SIPA1L1: variants seen among roughly 807,000 people sequenced by gnomAD.
The protein encoded by SIPA1L1 is signal-induced proliferation-associated 1-like protein 1.
In SIPA1L1, 26 loss-of-function variants were observed where a neutral mutation model predicts 162.7. The ratio of observed to expected loss-of-function variants is 0.16; its 90% CI spans 0.12 to 0.22. The LOEUF is 0.22. Among genes scored for constraint, SIPA1L1 ranks in the 10% least tolerant of loss-of-function variants. The pLI is 1.00. For synonymous variants in SIPA1L1, 829 were observed against 837.4 expected, an observed-to-expected ratio of 0.99 and a Z score of 0.17; for missense variants, 1,874 against 2,241.0, an observed-to-expected ratio of 0.84 and a Z score of 3.31.
chr14:71,492,469 T>C (rs1340049793), intron 2 of SIPA1L1, among the ~76,000 whole-genome samples: 4 of 152,176 alleles, frequency 2.6e-5, no homozygotes, highest in Non-Finnish European at 4.4e-5. Context: ...CAGAGCTGTT[T>C]AATAGTGTGG....
At chr14:71,675,960 A>G (rs1467081219) in intron 12 of SIPA1L1, among the ~76,000 whole-genome samples, 1 of 151,924 alleles carries the variant, frequency 6.6e-6, no homozygotes, top group African/African-American at 2.4e-5. Flanking sequence ...TAATAGTTCA[A>G]CAACAAAAAA....
In SIPA1L1 at chr14:71,657,657, T is replaced by G. The variant is rs1415795286; in HGVS notation, c.1994-676T>G. 4.8e-5 allele frequency among the ~76,000 whole-genome samples: 7 copies of G among 147,038 alleles called. No individual in the cohort carries two copies. The Admixed American group carries it at 5.0e-4, about 10-fold the overall frequency. On this transcript the variant is annotated intron_variant, in intron 8 of 23. Coordinates refer to ENST00000381232, the MANE Select transcript of SIPA1L1 (RefSeq NM_001386936.1). ...CAACTTTGTTCTTCAGTGTTAATGG[T>G]CTTGTTAAATTATTGTCTTTTTTTT...
chr14:71,519,992 C>T (rs1308490953), intron 3 of SIPA1L1, among the ~76,000 whole-genome samples: 2 of 152,078 alleles, frequency 1.3e-5, no homozygotes, highest in Non-Finnish European at 2.9e-5. Context: ...CACCTATAAT[C>T]TTAGCGGCTG....
chr14:71,577,107 A>G (rs1345352283), intron 4 of SIPA1L1, among the ~76,000 whole-genome samples: 1 of 151,436 alleles, frequency 6.6e-6, no homozygotes, highest in African/African-American at 2.4e-5. Context: ...AAATAATGGC[A>G]TGGCAGTTGA....
intron 2 of SIPA1L1, among the ~76,000 whole-genome samples, chr14:71,492,567 G>A (rs538016397): frequency 9.1e-4 from 138 of 152,322 alleles, no homozygotes; most frequent in African/African-American, 1.1e-3. Context: ...GTCTGCTTCA[G>A]ACTTGAAGAC....
At chr14:71,716,093 T>C (rs1454750669) in intron 17 of SIPA1L1, among the ~76,000 whole-genome samples, 1 of 151,628 alleles carries the variant, frequency 6.6e-6, no homozygotes, top group Admixed American at 6.6e-5. Context: ...TTTTCTTTAC[T>C]GCAGTCACTT....
At chr14:71,396,971 G>C (rs1270207895) in intron 2 of SIPA1L1, among the ~76,000 whole-genome samples, 2 of 152,086 alleles carry the variant, frequency 1.3e-5, no homozygotes, top group Non-Finnish European at 2.9e-5. Flanking sequence ...ATTTACTGAC[G>C]TTTTTTAAGG....
In SIPA1L1 at chr14:71,592,607, G is replaced by C. The variant is rs192935124; in HGVS notation, c.1498+3237G>C. 5.4e-4 allele frequency among the ~76,000 whole-genome samples: 82 copies of C among 151,908 alleles called. 1 individual carries two copies. In the East Asian group the frequency reaches 6.6e-3, roughly 12 times the overall value. ...CCATTTGGCTGCCTAATGCATTCCT[G>C]ACTTCACTGTGGCTAAGTCTCAGGT... is the stretch of plus-strand genomic sequence containing the variant. On this transcript the variant is annotated intron_variant, in intron 5 of 23. Transcript: ENST00000381232.
At chr14:71,326,111 G>A (rs527880946) in intron 2 of SIPA1L1, among the ~76,000 whole-genome samples, 8 of 152,178 alleles carry the variant, frequency 5.3e-5, no homozygotes, top group South Asian at 2.1e-4. Context: ...AAAGTTAATT[G>A]TGGTTATTTC....
At chr14:71,421,121 G>A (rs145330463) in intron 2 of SIPA1L1, among the ~76,000 whole-genome samples, 1 of 152,206 alleles carries the variant, frequency 6.6e-6, no homozygotes, top group African/African-American at 2.4e-5. Context: ...TCAAAGATAT[G>A]TTTTAAAAGC....
At chr14:71,666,893 A>G (rs2044063973) in intron 10 of SIPA1L1, among the ~76,000 whole-genome samples, 2 of 151,078 alleles carry the variant, frequency 1.3e-5, no homozygotes, top group East Asian at 1.9e-4. Context: ...AAAAAAAAGA[A>G]TTTGCAAGCT....
At chr14:71,668,054 G>A (rs912144154) in intron 10 of SIPA1L1, among the ~76,000 whole-genome samples, 9 of 151,534 alleles carry the variant, frequency 5.9e-5, no homozygotes, top group Non-Finnish European at 1.0e-4. Flanking sequence ...AACAGAGTGA[G>A]ACTCCGTCTC....
At chr14:71,721,536 C>T (rs1051400650) in intron 17 of SIPA1L1, among the ~76,000 whole-genome samples, 1 of 152,230 alleles carries the variant, frequency 6.6e-6, no homozygotes, top group Non-Finnish European at 1.5e-5. Flanking sequence ...AGCAGACTCT[C>T]TTCTGGCCCT....
intron 2 of SIPA1L1, among the ~76,000 whole-genome samples, chr14:71,396,603 AT>A (rs1404963249): frequency 8.5e-5 from 13 of 152,306 alleles, no homozygotes; most frequent in African/African-American, 3.1e-4. Flanking sequence ...CTGAGGTTGA[AT>A]ATTAAGAAGG....
At position 71,709,212 on chromosome 14, in the gene SIPA1L1, T is replaced by C. The variant is rs2082691939; in HGVS notation, c.3766-10T>C. The C allele has an allele frequency of 1.9e-6, 3 of 1,595,758 alleles. No homozygotes were observed. The South Asian group carries it at 3.3e-5, about 18-fold the overall frequency. On this transcript the variant is annotated splice_polypyrimidine_tract_variant and intron_variant, in intron 16 of 23. Coordinates refer to ENST00000381232, the MANE Select transcript of SIPA1L1 (RefSeq NM_001386936.1). ...ACTTTGCACTCAAATAAATTCTGCT[T>C]CTCTTGCAGTCTGATAGCCACTACT...
intron 2 of SIPA1L1, among the ~76,000 whole-genome samples, chr14:71,422,676 G>T (rs1004461140): frequency 1.1e-4 from 16 of 152,168 alleles, no homozygotes; most frequent in African/African-American, 3.9e-4. Flanking sequence ...TTATAAAGCG[G>T]AATAATATTC....
chr14:71,418,243 T>A (rs1019772883), intron 2 of SIPA1L1: 6 of 152,220 alleles, frequency 3.9e-5, no homozygotes, highest in African/African-American at 1.4e-4. Context: ...TGTGCCTTAT[T>A]TCTTAATACC....
At position 71,624,130 on chromosome 14, in the gene SIPA1L1, A is replaced by G; in HGVS notation, c.1712A>G (p.Lys571Arg). 1 of 1,614,186 alleles carries G rather than the reference A, an allele frequency of 6.2e-7. No individual in the cohort carries two copies. Among genetic ancestry groups the G allele is most frequent in the Non-Finnish European group, 8.5e-7 (1 of 1,180,018 alleles). ...TCGACAGCCAGAGGCCTGCCTCTCAAAGAAGTGCTGGAGCACGTGGTTCCT... is the reference window on the plus strand; with the variant it reads ...TCGACAGCCAGAGGCCTGCCTCTCAGAGAAGTGCTGGAGCACGTGGTTCCT... Reference protein sequence around the residue: ...KHSTARGLPLKEVLEHVVPEL... With the variant: ...KHSTARGLPLREVLEHVVPEL... The change falls in exon 7 of 24, where the codon AAA becomes AGA. Residue 571 changes from lysine to arginine, a missense_variant. Transcript: ENST00000381232.
intron 4 of SIPA1L1, among the ~76,000 whole-genome samples, chr14:71,537,269 T>C (rs770905776): frequency 6.6e-6 from 1 of 152,200 alleles, no homozygotes; most frequent in Non-Finnish European, 1.5e-5. Context: ...GGCGCGATCT[T>C]GGCTCACTGC....
Sources: allele counts gnomAD v4.1 joint callset (sites outside exome capture counted in the v4.1 genomes callset), GRCh38; gene constraint gnomAD v4.1.1; transcripts MANE v1.5; gene names NCBI Gene and HGNC (gene_info 2026-07-23, HGNC 2026-07-21).